IL1RAPL1: variants seen among roughly 807,000 people sequenced by gnomAD.
IL1RAPL1 encodes interleukin 1 receptor accessory protein like 1, also known as interleukin-1 receptor accessory protein-like 1.
In IL1RAPL1, 3 loss-of-function variants were observed where a neutral mutation model predicts 48.4. That is an observed-to-expected ratio of 0.06 (90% CI 0.03 to 0.16). IL1RAPL1 has a LOEUF of 0.16. Ranked by LOEUF, IL1RAPL1 falls within the 10% of genes least tolerant of loss-of-function variation. IL1RAPL1 has a pLI of 1.00. For missense variants in IL1RAPL1, 349 were observed against 530.6 expected, an observed-to-expected ratio of 0.66 and a Z score of 3.36; for synonymous variants, 185 against 187.7, an observed-to-expected ratio of 0.99 and a Z score of 0.12.
chrX:29,833,705 T>G (rs1261545109), intron 6 of IL1RAPL1, among the ~76,000 whole-genome samples: 4 of 111,799 alleles, frequency 3.6e-5, no homozygotes, highest in Non-Finnish European at 5.7e-5. Context: ...AAAATTCTGG[T>G]TAATAGTGAC....
Position 28,612,831 on chromosome X carries a change from T to C in IL1RAPL1, c.-25+24784T>C, listed in dbSNP as rs142323302. ...AAAATATATACTATATCATTTTATC[T>C]TTGCAACAGGCTCTAATGGCTAGTA... On this transcript the variant is annotated intron_variant, in intron 1 of 10. Coordinates refer to ENST00000378993, the MANE Select transcript of IL1RAPL1 (RefSeq NM_014271.4). Among the ~76,000 whole-genome samples the C allele has an allele frequency of 9.7e-3, 1,090 of 112,149 alleles. 11 individuals carry two copies. The highest frequency in any genetic ancestry group is 0.033 in the African/African-American group (1,028 of 30,818).
chrX:28,616,094 T>C (rs1201363476), intron 1 of IL1RAPL1, among the ~76,000 whole-genome samples: 1 of 112,692 alleles, frequency 8.9e-6, no homozygotes, highest in African/African-American at 3.2e-5. Context: ...CCAGGGGATT[T>C]GACAGATTCA....
At chrX:29,678,173 T>G (rs1926336674) in intron 6 of IL1RAPL1, among the ~76,000 whole-genome samples, 1 of 109,926 alleles carries the variant, frequency 9.1e-6, no homozygotes, top group South Asian at 3.9e-4. Context: ...TTTGCAGCTT[T>G]ATGAATGAGG....
At chrX:28,940,054 G>T (rs1924126634) in intron 2 of IL1RAPL1, among the ~76,000 whole-genome samples, 1 of 111,733 alleles carries the variant, frequency 8.9e-6, no homozygotes, top group Non-Finnish European at 1.9e-5. Context: ...CCATGGTAAA[G>T]AGTCCCTTTA....
intron 6 of IL1RAPL1, among the ~76,000 whole-genome samples, chrX:29,748,483 C>T (rs1928386022): frequency 1.8e-5 from 2 of 112,826 alleles, no homozygotes; most frequent in South Asian, 3.6e-4. Context: ...TGAGTAATTA[C>T]TGTGGGTCAC....
chrX:28,706,245 G>C (rs1312392099), intron 1 of IL1RAPL1, among the ~76,000 whole-genome samples: 1 of 111,878 alleles, frequency 8.9e-6, no homozygotes, highest in East Asian at 2.8e-4. Context: ...ATTCAGTACA[G>C]TAATTTGCTA....
intron 2 of IL1RAPL1, among the ~76,000 whole-genome samples, chrX:29,178,197 T>C (rs1403939209): frequency 8.9e-6 from 1 of 112,024 alleles, no homozygotes; most frequent in African/African-American, 3.2e-5. Flanking sequence ...TGAACTAATT[T>C]ACACACCCAC....
chrX:29,715,285 G>A (rs1054541418), intron 6 of IL1RAPL1, among the ~76,000 whole-genome samples: 3 of 110,931 alleles, frequency 2.7e-5, no homozygotes, highest in African/African-American at 9.8e-5. Flanking sequence ...ATCACCTAGG[G>A]GGCTTATTAA....
At chrX:29,925,777 C>T (rs1359239735) in intron 8 of IL1RAPL1, among the ~76,000 whole-genome samples, 1 of 110,475 alleles carries the variant, frequency 9.1e-6, no homozygotes, top group South Asian at 3.9e-4. Flanking sequence ...TCGGCTTAAG[C>T]GATCCTCCTG....
chrX:29,389,279 C>T (rs1461932933), intron 3 of IL1RAPL1, among the ~76,000 whole-genome samples: 6 of 102,826 alleles, frequency 5.8e-5, no homozygotes, highest in African/African-American at 2.2e-4. Flanking sequence ...TCTCCTGAAC[C>T]TGGGAGGTGG....
intron 6 of IL1RAPL1, among the ~76,000 whole-genome samples, chrX:29,789,007 G>A (rs1205428410): frequency 9.0e-6 from 1 of 111,483 alleles, no homozygotes; most frequent in Non-Finnish European, 1.9e-5. Context: ...ACTAGTTCAG[G>A]ATATGTTTAT....
intron 5 of IL1RAPL1, among the ~76,000 whole-genome samples, chrX:29,400,107 G>C (rs16988537): frequency 0.12 from 13,783 of 111,196 alleles, 1,105 homozygotes; most frequent in African/African-American, 0.3. Flanking sequence ...ATAATTATGT[G>C]AGATGTGATG....
intron 6 of IL1RAPL1, among the ~76,000 whole-genome samples, chrX:29,803,228 C>A (rs191357987): frequency 3.2e-5 from 1 of 30,924 alleles, no homozygotes; most frequent in Non-Finnish European, 6.1e-5. Flanking sequence ...TATACATATA[C>A]ACACATGTAT....
intron 1 of IL1RAPL1, among the ~76,000 whole-genome samples, chrX:28,701,310 TG>T (rs1471725127): frequency 8.9e-6 from 1 of 112,166 alleles, no homozygotes; most frequent in Non-Finnish European, 1.9e-5. Flanking sequence ...CCATGGAACA[TG>T]GTATATGTTT....
intron 2 of IL1RAPL1, among the ~76,000 whole-genome samples, chrX:29,259,998 A>G (rs1931824300): frequency 8.9e-6 from 1 of 112,025 alleles, no homozygotes; most frequent in African/African-American, 3.2e-5. Context: ...TCTTTTTCCC[A>G]TGAGAGTTAT....
intron 6 of IL1RAPL1, among the ~76,000 whole-genome samples, chrX:29,831,141 A>G (rs1930865728): frequency 8.9e-6 from 1 of 111,850 alleles, no homozygotes; most frequent in African/African-American, 3.3e-5. Flanking sequence ...TTGGCTGGCA[A>G]AACACCGTTT....
chrX:28,589,031 A>C (rs1353896748), intron 1 of IL1RAPL1, among the ~76,000 whole-genome samples: 2 of 111,821 alleles, frequency 1.8e-5, no homozygotes, highest in Admixed American at 1.9e-4. Context: ...AAGGATGTTT[A>C]AGCATATTCT....
At chrX:28,653,406 C>T (rs1251081650) in intron 1 of IL1RAPL1, among the ~76,000 whole-genome samples, 2 of 109,764 alleles carry the variant, frequency 1.8e-5, no homozygotes, top group Non-Finnish European at 3.8e-5. Context: ...ACCCGGGAGG[C>T]GGAGGTTGCA....
intron 6 of IL1RAPL1, among the ~76,000 whole-genome samples, chrX:29,889,395 C>T (rs12559566): frequency 0.046 from 5,074 of 111,375 alleles, 165 homozygotes; most frequent in Admixed American, 0.15. Context: ...TTATTCATGA[C>T]CCATTTCAAA....
Sources: allele counts gnomAD v4.1 joint callset (sites outside exome capture counted in the v4.1 genomes callset), GRCh38; gene constraint gnomAD v4.1.1; transcripts MANE v1.5; gene names NCBI Gene and HGNC (gene_info 2026-07-23, HGNC 2026-07-21).